The following RAD51AP2 variants were observed in gnomAD, a reference collection of about 807,000 sequenced individuals.
RAD51AP2 encodes RAD51 associated protein 2, also known as RAD51-associated protein 2.
Under a neutral mutation model 85.5 loss-of-function variants are expected in RAD51AP2, and 67 were observed. The observed-to-expected ratio is 0.78, with a 90% CI of 0.64 to 0.96. RAD51AP2 has a LOEUF of 0.96. Among genes scored for constraint, RAD51AP2 ranks in the 40% least tolerant of loss-of-function variants. The pLI is 0.00. For synonymous variants in RAD51AP2, 474 were observed against 446.5 expected (o/e 1.06, Z -0.78); for missense variants, 1,307 against 1,332.4 (o/e 0.98, Z 0.30).
Position 17,510,697 on chromosome 2 carries a change from T to C in RAD51AP2, c.*107A>G. 1 of 619,024 alleles carries C rather than the reference T, an allele frequency of 1.6e-6. No individual in the cohort carries two copies. The highest frequency in any genetic ancestry group is 2.5e-6 in the Non-Finnish European group (1 of 395,976). The allele number at this position is 619,024 out of a possible 1,614,324, so 38.3% of individuals were successfully genotyped here. On this transcript the variant is annotated 3_prime_UTR_variant, in exon 3 of 3. Transcript: ENST00000399080. ...ATTTATACACTCAAAAAAAAAAACT[T>C]CTCCACTTTATAATAAAGCAAGCCC...
At chr2:17,537,461 A>G in the RAD51AP2 span, among the ~76,000 whole-genome samples, 1 of 152,260 alleles carries the variant, frequency 6.6e-6, no homozygotes, top group Non-Finnish European at 1.5e-5. Flanking sequence ...ATTCTTTAAG[A>G]ATAAACGAGT....
chr2:17,532,521 AG>A, the RAD51AP2 span, among the ~76,000 whole-genome samples: 2 of 152,256 alleles, frequency 1.3e-5, no homozygotes, highest in Admixed American at 6.5e-5. Flanking sequence ...ACCTCAAAAA[AG>A]AAAAAAAAAT....
upstream of RAD51AP2, among the ~76,000 whole-genome samples, chr2:17,521,820 T>C (rs1449050345): frequency 2.0e-5 from 3 of 152,152 alleles, no homozygotes; most frequent in African/African-American, 7.2e-5. Context: ...CATCATAATC[T>C]ATCCAGTCTC....
intron 2 of RAD51AP2, among the ~76,000 whole-genome samples, chr2:17,512,483 A>C (rs1429425081): frequency 6.6e-6 from 1 of 152,192 alleles, no homozygotes; most frequent in Non-Finnish European, 1.5e-5. Context: ...ATTTCACAAC[A>C]TGTCATTTTA....
chr2:17,517,042 T>C lies in RAD51AP2; in HGVS notation c.1374A>G (p.Gln458=). 1 of 1,609,002 alleles carries C rather than the reference T, an allele frequency of 6.2e-7. No individual in the cohort carries two copies. The highest frequency in any genetic ancestry group is 8.5e-7 in the Non-Finnish European group (1 of 1,178,620). ...CAKVINAYEE[Q]SKLLVREILG... Reference sequence around the variant, plus strand: ...ATATTTCTCTTACGAGAAGCTTTGATTGTTCTTCATATGCATTGATGACTT... The same window carrying C: ...ATATTTCTCTTACGAGAAGCTTTGACTGTTCTTCATATGCATTGATGACTT... Residue 458 remains glutamine (Q), a synonymous_variant, in exon 1 of 3, where the codon CAA becomes CAG. Coordinates refer to ENST00000399080, the MANE Select transcript of RAD51AP2 (RefSeq NM_001099218.3).
chr2:17,524,810 G>A, the RAD51AP2 span, among the ~76,000 whole-genome samples: 49 of 151,846 alleles, frequency 3.2e-4, no homozygotes, highest in Admixed American at 7.9e-4. Flanking sequence ...TAGAAAATAA[G>A]TACTGTAAAA....
chr2:17,515,548 C>T lies in RAD51AP2; in HGVS notation c.2868G>A (p.Leu956=). ...LAAKYLSTEA[L]TIVKDFEMKR... ...TCATCTCAAAATCTTTTACTATTGT[C>T]AGAGCTTCTGTTGATAAATATTTAG... The change falls in exon 1 of 3, where the codon CTG becomes CTA. Residue 956 remains leucine (L), a synonymous_variant. Transcript: ENST00000399080. 9 of 1,609,192 alleles carry T rather than the reference C, an allele frequency of 5.6e-6. No homozygotes were observed. Among genetic ancestry groups the T allele is most frequent in the Non-Finnish European group, 7.6e-6 (9 of 1,178,650 alleles).
chr2:17,535,911 A>G, the RAD51AP2 span, among the ~76,000 whole-genome samples: 2 of 148,070 alleles, frequency 1.4e-5, no homozygotes, highest in Non-Finnish European at 3.0e-5. Flanking sequence ...GATGAACTCT[A>G]AAGGATATAT....
chr2:17,513,895 T>C (rs937889901), intron 2 of RAD51AP2, 117 bp downstream of exon 2: 17 of 642,036 alleles, frequency 2.6e-5, no homozygotes, highest in Non-Finnish European at 4.7e-5. Context: ...TCTTAAAAGG[T>C]GCTAAAACTT....
chr2:17,523,649 A>T, the RAD51AP2 span, among the ~76,000 whole-genome samples: 5 of 151,958 alleles, frequency 3.3e-5, no homozygotes, highest in African/African-American at 1.2e-4. Flanking sequence ...TCATTTAAAA[A>T]TAAAAGAAGC....
chr2:17,535,890 A>G, the RAD51AP2 span, among the ~76,000 whole-genome samples: 1 of 145,558 alleles, frequency 6.9e-6, no homozygotes, highest in Non-Finnish European at 1.5e-5. Context: ...ACACCCCCTT[A>G]GGAATGATAA....
chr2:17,513,321 C>T (rs543637212), intron 2 of RAD51AP2, among the ~76,000 whole-genome samples: 1 of 150,550 alleles, frequency 6.6e-6, no homozygotes, highest in East Asian at 1.9e-4. Flanking sequence ...CACTGCAAGC[C>T]CCGCCTCCCG....
rs1326276878 is a variant in RAD51AP2 at position 17,518,320 on chromosome 2, A to G, written c.96T>C (p.Ser32=). 2 of 1,614,086 alleles carry G rather than the reference A, an allele frequency of 1.2e-6. No homozygotes were observed. Among genetic ancestry groups the G allele is most frequent in the East Asian group, 2.2e-5 (1 of 44,876 alleles). ...PPEDPDSQPP[S]SKRLCLEEPG... is the part of the protein sequence containing the mutation. ...GCTCCTCAAGACAGAGCCGCTTGCTACTAGGTGGTTGGGAATCCGGGTCCT... is the reference window on the plus strand; with the variant it reads ...GCTCCTCAAGACAGAGCCGCTTGCTGCTAGGTGGTTGGGAATCCGGGTCCT... Residue 32 remains serine, a synonymous_variant, in exon 1 of 3, where the codon AGT becomes AGC. Coordinates refer to ENST00000399080, the MANE Select transcript of RAD51AP2 (RefSeq NM_001099218.3).
chr2:17,536,762 A>G, the RAD51AP2 span, among the ~76,000 whole-genome samples: 1 of 152,218 alleles, frequency 6.6e-6, no homozygotes, highest in Admixed American at 6.5e-5. Context: ...CAAGTTCATT[A>G]AAACTAGAAT....
At chr2:17,526,223 T>A in the RAD51AP2 span, among the ~76,000 whole-genome samples, 1 of 152,020 alleles carries the variant, frequency 6.6e-6, no homozygotes, top group Non-Finnish European at 1.5e-5. Flanking sequence ...TATTTTTGCA[T>A]ATAAAATCTC....
At position 17,516,549 on chromosome 2, in the gene RAD51AP2, C is replaced by G; in HGVS notation, c.1867G>C (p.Glu623Gln). ...TTTACTAGATATGCAGTATGATTTT[C>G]CACTATATTTTTTGGATACTTCAAA... ...LYLKYPKNIVENHTAYLVKIL... is the reference protein window; with the variant it reads ...LYLKYPKNIVQNHTAYLVKIL... Residue 623 changes from glutamate to glutamine, a missense_variant, in exon 1 of 3, where the codon GAA becomes CAA. Glu to Gln is a conservative substitution (Grantham distance 29). Coordinates refer to ENST00000399080, the MANE Select transcript of RAD51AP2 (RefSeq NM_001099218.3). 2 of 1,571,222 alleles carry G rather than the reference C, an allele frequency of 1.3e-6. No homozygotes were observed. The highest frequency in any genetic ancestry group is 8.7e-7 in the Non-Finnish European group (1 of 1,150,362).
chr2:17,524,124 C>A, the RAD51AP2 span, among the ~76,000 whole-genome samples: 1 of 151,856 alleles, frequency 6.6e-6, no homozygotes, highest in Non-Finnish European at 1.5e-5. Context: ...ACAACTTTGT[C>A]CTAGCTATTT....
the RAD51AP2 span, among the ~76,000 whole-genome samples, chr2:17,530,232 C>A: frequency 6.6e-6 from 1 of 151,932 alleles, no homozygotes; most frequent in South Asian, 2.1e-4. Flanking sequence ...ATAGCAGGGA[C>A]CAAAAAGAAA....
Position 17,510,792 on chromosome 2 carries a change from GA to G in RAD51AP2, c.*11del, listed in dbSNP as rs1338406106. 1 of 1,519,636 alleles carries G rather than the reference GA, an allele frequency of 6.6e-7. No homozygotes were observed. Among genetic ancestry groups the G allele is most frequent in the African/African-American group, 1.4e-5 (1 of 72,190 alleles). 94.1% of individuals were successfully genotyped at this position (1,519,636 alleles called of 1,614,324 possible). A position where few individuals can be genotyped will look rare whatever the true frequency, so the allele number is the denominator to read the frequency against. ...ATTTCTAGATGTTGTAAAATGTTTT[GA>G]AATATGAAAGTCAAAAATTTTCTTT... On this transcript the variant is annotated 3_prime_UTR_variant, in exon 3 of 3. Transcript: ENST00000399080.
Sources: gnomAD v4.1 joint callset for allele counts (sites outside exome capture counted in the v4.1 genomes callset) on GRCh38, gnomAD v4.1.1 for gene constraint, MANE v1.5 for transcripts, NCBI Gene and HGNC (gene_info 2026-07-23, HGNC 2026-07-21) for gene names.